Variants in NOL10 observed in about 807,000 individuals in gnomAD.
NOL10 encodes H_NH0074G24.1.
Under a neutral mutation model 103.5 loss-of-function variants are expected in NOL10, and 58 were observed. That is an observed-to-expected ratio of 0.56 (90% confidence interval 0.45 to 0.70). NOL10 has a LOEUF of 0.70. Ranked by LOEUF, NOL10 falls within the 30% of genes least tolerant of loss-of-function variation. The probability of loss-of-function intolerance (pLI) is 0.00; values close to 1 mark genes in which losing one functional copy is unlikely to be tolerated. For synonymous variants in NOL10, 287 were observed against 282.5 expected (o/e 1.02, Z -0.16); for missense variants, 763 against 807.3 (o/e 0.95, Z 0.67).
At chr2:10,666,173 G>A (rs1680554937) in intron 8 of NOL10, among the ~76,000 whole-genome samples, 1 of 152,078 alleles carries the variant, frequency 6.6e-6, no homozygotes, top group Admixed American at 6.6e-5. Flanking sequence ...TTCACTTAGG[G>A]TAACAGCCTC....
At chr2:10,650,619 C>T (rs890232026) in intron 12 of NOL10, among the ~76,000 whole-genome samples, 1 of 151,952 alleles carries the variant, frequency 6.6e-6, no homozygotes, top group African/African-American at 2.4e-5. Context: ...GGAGAGCCGG[C>T]GTGATGGTGC....
chr2:10,599,504 T>C (rs1393146180), intron 17 of NOL10, among the ~76,000 whole-genome samples: 2 of 152,196 alleles, frequency 1.3e-5, no homozygotes, highest in Non-Finnish European at 2.9e-5. Flanking sequence ...CACATTGGTG[T>C]AACTTAGGAA....
At position 10,602,777 on chromosome 2, in the gene NOL10, T is replaced by C. The variant is rs774809165; in HGVS notation, c.1331A>G (p.Lys444Arg). Reference protein sequence around the residue: ...EETRAQRVQLKKLPKVNKELA... With the variant: ...EETRAQRVQLRKLPKVNKELA... Reference sequence around the variant, plus strand: ...TTCAATGGTAAGTATAATATTTACCTTTAACTGGACTCTCTGTGCACGTGT... The same window carrying C: ...TTCAATGGTAAGTATAATATTTACCCTTAACTGGACTCTCTGTGCACGTGT... Residue 444 changes from lysine (K) to arginine (R), a missense_variant and splice_region_variant, in exon 16 of 21, where the codon AAG becomes AGG. Transcript: ENST00000381685. The C allele has an allele frequency of 5.1e-6, 8 of 1,567,428 alleles. No homozygotes were observed. The Admixed American group carries it at 8.5e-5, about 17-fold the overall frequency.
intron 17 of NOL10, among the ~76,000 whole-genome samples, chr2:10,595,598 GTTTT>G (rs1470474277): frequency 2.6e-5 from 2 of 78,130 alleles, no homozygotes; most frequent in Non-Finnish European, 6.4e-5. Context: ...GTTTTGTTTT[GTTTT>G]TGTTTGTTTG....
chr2:10,649,206 CAG>C (rs35722238), intron 12 of NOL10, among the ~76,000 whole-genome samples: 16,037 of 150,744 alleles, frequency 0.11, 1,069 homozygotes, highest in Admixed American at 0.17. Context: ...CACAGAAGCA[CAG>C]AGATAAATAA....
At chr2:10,622,496 A>AAAAAG (rs144600201) in intron 13 of NOL10, among the ~76,000 whole-genome samples, 2 of 148,788 alleles carry the variant, frequency 1.3e-5, no homozygotes, top group African/African-American at 5.0e-5. Flanking sequence ...TTCAAAAAAA[A>AAAAAG]AGAGAGAAGA....
At chr2:10,630,710 G>A (rs1008783778) in intron 13 of NOL10, among the ~76,000 whole-genome samples, 4 of 151,962 alleles carry the variant, frequency 2.6e-5, no homozygotes, top group African/African-American at 7.3e-5. Context: ...GCAAGACACT[G>A]TCTCAGGAAA....
chr2:10,656,250 G>C (rs1679836880), intron 11 of NOL10, among the ~76,000 whole-genome samples: 1 of 152,092 alleles, frequency 6.6e-6, no homozygotes. Flanking sequence ...AGTTTGAATT[G>C]CCAGAAAAAG....
Position 10,589,214 on chromosome 2 carries a change from A to G in NOL10, c.1673T>C (p.Val558Ala). 6.2e-7 allele frequency: 1 copy of G among 1,613,808 alleles called. No homozygotes were observed. The highest frequency in any genetic ancestry group is 8.5e-7 in the Non-Finnish European group (1 of 1,179,840). Residue 558 changes from valine to alanine, a missense_variant, in exon 19 of 21, where the codon GTT (valine) becomes GCT (alanine). By Grantham distance (64) the Val-to-Ala change is moderately conservative (BLOSUM62 0). Transcript: ENST00000381685. Reference sequence around the variant, plus strand: ...TCTGCGTTGCTTCCTGACCTCTTCAACCCAGGCTTTTTCATCATCTGAACT... The same window carrying G: ...TCTGCGTTGCTTCCTGACCTCTTCAGCCCAGGCTTTTTCATCATCTGAACT... ...SESSDDEKAW[V>A]EEVRKQRRLL...
At chr2:10,605,467 A>C (rs1274089775) in intron 14 of NOL10, among the ~76,000 whole-genome samples, 1 of 152,234 alleles carries the variant, frequency 6.6e-6, no homozygotes, top group Non-Finnish European at 1.5e-5. Context: ...ACATCAAAAG[A>C]TATTAGTAAT....
At chr2:10,592,102 T>C (rs1209140425) in intron 17 of NOL10, among the ~76,000 whole-genome samples, 2 of 152,102 alleles carry the variant, frequency 1.3e-5, no homozygotes, top group East Asian at 3.9e-4. Flanking sequence ...GTTAGCATCA[T>C]GAGAAGACTA....
rs1463787223 is a variant in NOL10, at chr2:10,600,912, G to C, written c.1363C>G (p.Leu455Val). 1 of 1,556,096 alleles carries C rather than the reference G, an allele frequency of 6.4e-7. No individual in the cohort carries two copies. Among genetic ancestry groups the C allele is most frequent in the Admixed American group, 1.9e-5 (1 of 51,556 alleles). The change falls in exon 17 of 21, where the codon CTT (leucine) becomes GTT (valine). Residue 455 changes from leucine (L) to valine (V), a missense_variant. Transcript: ENST00000381685. ...TCCTCTTCTTCCTCAATTAATTTAA[G>C]TGCCAGCTCTTTGTTAACTTTTGGC... ...KLPKVNKELA[L>V]KLIEEEEEKQ... is the part of the protein sequence containing the mutation.
At chr2:10,682,476 T>C (rs1335283473) in intron 2 of NOL10, among the ~76,000 whole-genome samples, 3 of 148,182 alleles carry the variant, frequency 2.0e-5, no homozygotes, top group Non-Finnish European at 4.5e-5. Flanking sequence ...CATGGCTCAC[T>C]GCAGCCTCAA....
rs1332573569 is a variant in NOL10, at chr2:10,671,730, A to G, written c.328-40T>C. The G allele has an allele frequency of 5.4e-6, 8 of 1,473,580 alleles. No homozygotes were observed. In the African/African-American group the frequency reaches 7.1e-5, roughly 13 times the overall value. The allele number at this position is 1,473,580 out of a possible 1,614,324, so 91.3% of individuals were successfully genotyped here. A position where few individuals can be genotyped will look rare whatever the true frequency, so the allele number is the denominator to read the frequency against. On this transcript the variant is annotated intron_variant, in intron 5 of 20. Coordinates refer to ENST00000381685, the MANE Select transcript of NOL10 (RefSeq NM_024894.4). Reference sequence around the variant, plus strand: ...AAAAAATTAGTTTGCTTAGGTTTCTAGTTAGGTGTTTACTTCATTATCGCT... The same window carrying G: ...AAAAAATTAGTTTGCTTAGGTTTCTGGTTAGGTGTTTACTTCATTATCGCT...
intron 13 of NOL10, among the ~76,000 whole-genome samples, chr2:10,619,511 A>C (rs2148216691): frequency 6.6e-6 from 1 of 152,320 alleles, no homozygotes; most frequent in Middle Eastern, 3.4e-3. Flanking sequence ...CTCACTCATA[A>C]AACATATCTG....
At chr2:10,608,883 T>C (rs1361724737) in intron 13 of NOL10, among the ~76,000 whole-genome samples, 2 of 152,206 alleles carry the variant, frequency 1.3e-5, no homozygotes. Context: ...AACTTCATAT[T>C]AGTGCAATCT....
intron 8 of NOL10, among the ~76,000 whole-genome samples, chr2:10,663,534 A>C (rs1680353517): frequency 6.6e-6 from 1 of 152,210 alleles, no homozygotes; most frequent in East Asian, 1.9e-4. Flanking sequence ...AGGTTCAAAA[A>C]ACATTTTTAA....
intron 19 of NOL10, among the ~76,000 whole-genome samples, chr2:10,584,568 T>C (rs1466303279): frequency 1.3e-5 from 2 of 152,190 alleles, no homozygotes; most frequent in Non-Finnish European, 2.9e-5. Flanking sequence ...TTCAATCTGA[T>C]GTTGTCTCTT....
intron 11 of NOL10, among the ~76,000 whole-genome samples, chr2:10,655,285 A>G (rs557800377): frequency 6.6e-6 from 1 of 152,100 alleles, no homozygotes; most frequent in East Asian, 1.9e-4. Context: ...AAGGGAAGAA[A>G]AGAAAAAGGA....
Sources: gnomAD v4.1 joint callset for allele counts (sites outside exome capture counted in the v4.1 genomes callset) on GRCh38, gnomAD v4.1.1 for gene constraint, MANE v1.5 for transcripts, NCBI Gene and HGNC (gene_info 2026-07-23, HGNC 2026-07-21) for gene names.